Variants in RNF8 observed in about 807,000 individuals in gnomAD.
RNF8 encodes the protein E3 ubiquitin-protein ligase RNF8.
RNF8 carries 8 observed loss-of-function variants against 59.3 expected under a neutral mutation model. The ratio of observed to expected loss-of-function variants is 0.13; its 90% CI spans 0.08 to 0.24. The LOEUF is 0.24. Among genes scored for constraint, RNF8 ranks in the 10% least tolerant of loss-of-function variants. The pLI is 1.00. For synonymous variants in RNF8, 162 were observed against 200.0 expected, an observed-to-expected ratio of 0.81 and a Z score of 1.60; for missense variants, 406 against 572.6, an observed-to-expected ratio of 0.71 and a Z score of 2.97.
chr6:37,368,740 C>T lies in RNF8; in HGVS notation c.497C>T (p.Ala166Val). The change falls in exon 3 of 8, where the codon GCT (alanine) becomes GTT (valine). Residue 166 changes from alanine (A) to valine (V), a missense_variant. Transcript: ENST00000373479. ...TTGGATGAATTAGCAGGTCCTGGAG[C>T]TGAAGGCCCCTCAAATTTGAAATCC... Reference protein sequence around the residue: ...FSLDELAGPGAEGPSNLKSKI... With the variant: ...FSLDELAGPGVEGPSNLKSKI... 6.2e-7 allele frequency: 1 copy of T among 1,614,140 alleles called. No homozygotes were observed. The highest frequency in any genetic ancestry group is 1.1e-5 in the South Asian group (1 of 91,080).
At chr6:37,373,497 C>G (rs924746732) in intron 4 of RNF8, among the ~76,000 whole-genome samples, 2 of 152,180 alleles carry the variant, frequency 1.3e-5, no homozygotes, top group Non-Finnish European at 2.9e-5. Context: ...GCCTCCGCCT[C>G]CTGGGCTCAA....
At chr6:37,388,506 G>A (rs1237461241) in intron 7 of RNF8, among the ~76,000 whole-genome samples, 2 of 152,140 alleles carry the variant, frequency 1.3e-5, no homozygotes, top group African/African-American at 4.8e-5. Flanking sequence ...CACTGTTACC[G>A]TCTCTGTGGT....
At chr6:37,369,933 A>T (rs1769733804) in intron 3 of RNF8, 1 of 152,238 alleles carries the variant, frequency 6.6e-6, no homozygotes, top group Non-Finnish European at 1.5e-5. Context: ...TCCATCCCTC[A>T]GTCATTTGCT....
intron 2 of RNF8, among the ~76,000 whole-genome samples, chr6:37,365,058 C>T (rs1401600762): frequency 6.6e-6 from 1 of 152,042 alleles, no homozygotes; most frequent in Non-Finnish European, 1.5e-5. Flanking sequence ...CGTGAGCCAC[C>T]ACACCTGGCC....
Position 37,371,541 on chromosome 6 carries a change from C to T in RNF8, c.1005C>T (p.Asp335=). 6.2e-7 allele frequency: 1 copy of T among 1,613,918 alleles called. No homozygotes were observed. The highest frequency in any genetic ancestry group is 8.5e-7 in the Non-Finnish European group (1 of 1,179,942). Residue 335 remains aspartate (D), a synonymous_variant, in exon 4 of 8, where the codon GAC becomes GAT. Coordinates refer to ENST00000373479, the MANE Select transcript of RNF8 (RefSeq NM_003958.4). The part of the protein sequence containing the change: ...QGLEIAQGEK[D]LKQQLAQALQ... The stretch of plus-strand genomic sequence containing the variant: ...TGGAGATAGCCCAAGGAGAAAAGGA[C>T]CTGAAGCAACAGCTGGCCCAGGCTC...
At chr6:37,379,982 T>C (rs1770185817) in intron 6 of RNF8, among the ~76,000 whole-genome samples, 1 of 152,196 alleles carries the variant, frequency 6.6e-6, no homozygotes, top group African/African-American at 2.4e-5. Context: ...AACGCCATCA[T>C]GGCTCACTGC....
intron 7 of RNF8, among the ~76,000 whole-genome samples, chr6:37,384,247 TCTC>T (rs1257629481): frequency 2.0e-5 from 3 of 151,858 alleles, no homozygotes; most frequent in African/African-American, 7.3e-5. Context: ...TTTAAGTGAT[TCTC>T]CTCCCTCAGC....
Position 37,368,961 on chromosome 6 carries a change from T to C in RNF8, c.718T>C (p.Ser240Pro). ...TCATGAGCAGAAAGCCTCAAACTCT[T>C]CAGCATCTCAGAGAAGCTTACAGAT... ...VHHEQKASNS[S>P]ASQRSLQMFK... The change falls in exon 3 of 8, where the codon TCA becomes CCA. Residue 240 changes from serine to proline, a missense_variant. Physicochemically the swap from Ser to Pro is moderately conservative, Grantham distance 74 (BLOSUM62 -1). Coordinates refer to ENST00000373479, the MANE Select transcript of RNF8 (RefSeq NM_003958.4). 2 of 1,614,160 alleles carry C rather than the reference T, an allele frequency of 1.2e-6. No individual in the cohort carries two copies. Among genetic ancestry groups the C allele is most frequent in the Non-Finnish European group, 1.7e-6 (2 of 1,180,020 alleles).
intron 7 of RNF8, among the ~76,000 whole-genome samples, chr6:37,389,983 C>T (rs1305809659): frequency 6.6e-6 from 1 of 152,228 alleles, no homozygotes; most frequent in Admixed American, 6.5e-5. Flanking sequence ...TGGTTGGTGA[C>T]TTTATTGTGC....
In RNF8 at chr6:37,365,222, G is replaced by A. The variant is rs148056572; in HGVS notation, c.241-3262G>A. 1.8e-4 allele frequency among the ~76,000 whole-genome samples: 28 copies of A among 152,278 alleles called. 1 individual carries two copies. The highest frequency in any genetic ancestry group is 1.8e-3 in the Admixed American group (28 of 15,298). The stretch of plus-strand genomic sequence containing the variant: ...AACAGTGTGGACGAATCTCAGAGGC[G>A]TTACACTAAGTGAAAGAAGCAAGAC... On this transcript the variant is annotated intron_variant, in intron 2 of 7. Transcript: ENST00000373479.
At chr6:37,385,365 C>T (rs1369109074) in intron 7 of RNF8, among the ~76,000 whole-genome samples, 2 of 150,712 alleles carry the variant, frequency 1.3e-5, no homozygotes, top group South Asian at 2.1e-4. Context: ...CTGTGGCTCA[C>T]GGCTGTAATC....
intron 7 of RNF8, among the ~76,000 whole-genome samples, chr6:37,383,060 A>T (rs762670088): frequency 2.0e-5 from 3 of 151,982 alleles, no homozygotes; most frequent in African/African-American, 4.8e-5. Flanking sequence ...AATTCTGCAG[A>T]GTAATAACAG....
intron 2 of RNF8, among the ~76,000 whole-genome samples, chr6:37,365,644 G>T (rs1299378130): frequency 6.6e-6 from 1 of 152,200 alleles, no homozygotes. Context: ...TGAGCATCTA[G>T]TGAAGTAATT....
At chr6:37,379,587 C>T (rs888160894) in intron 6 of RNF8, among the ~76,000 whole-genome samples, 1 of 152,178 alleles carries the variant, frequency 6.6e-6, no homozygotes, top group African/African-American at 2.4e-5. Context: ...AGGGATTACT[C>T]AGAGGAGCCC....
intron 2 of RNF8, chr6:37,361,256 A>T: frequency 2.2e-6 from 1 of 454,594 alleles, no homozygotes; most frequent in South Asian, 1.6e-5. Context: ...GTTTGAGCCC[A>T]TGAATTCTGG....
At chr6:37,385,789 G>A (rs1268625319) in intron 7 of RNF8, among the ~76,000 whole-genome samples, 1 of 149,604 alleles carries the variant, frequency 6.7e-6, no homozygotes, top group Non-Finnish European at 1.5e-5. Context: ...CTCTTCTTTT[G>A]TGTCCTAGTA....
At position 37,392,286 on chromosome 6, in the gene RNF8, G is replaced by A; in HGVS notation, c.*1528G>A. On this transcript the variant is annotated 3_prime_UTR_variant, in exon 8 of 8. Coordinates refer to ENST00000373479, the MANE Select transcript of RNF8 (RefSeq NM_003958.4). ...TGTGTTTTGTTTATAGATTGCATGGGTATATGTCAATTTTTATATGTTCTG... is the reference window on the plus strand; with the variant it reads ...TGTGTTTTGTTTATAGATTGCATGGATATATGTCAATTTTTATATGTTCTG... 2 of 396,390 alleles carry A rather than the reference G, an allele frequency of 5.0e-6. No individual in the cohort carries two copies. Among genetic ancestry groups the A allele is most frequent in the East Asian group, 7.1e-5 (2 of 27,994 alleles). The allele number at this position is 396,390 out of a possible 1,614,324, so 24.6% of individuals were successfully genotyped here. A position where few individuals can be genotyped will look rare whatever the true frequency, so the allele number is the denominator to read the frequency against.
chr6:37,387,881 G>A (rs910864547), intron 7 of RNF8, among the ~76,000 whole-genome samples: 3 of 152,194 alleles, frequency 2.0e-5, no homozygotes, highest in African/African-American at 7.2e-5. Flanking sequence ...AAAAGCAAGG[G>A]GTTTTTAGGG....
intron 7 of RNF8, 32 bp downstream of exon 7, chr6:37,381,386 GA>G: frequency 2.5e-6 from 4 of 1,583,424 alleles, no homozygotes; most frequent in Non-Finnish European, 3.5e-6. Context: ...TACCCCTCAA[GA>G]AAGGACTTAT....
Sources: gnomAD v4.1 joint callset for allele counts (sites outside exome capture counted in the v4.1 genomes callset) on GRCh38, gnomAD v4.1.1 for gene constraint, MANE v1.5 for transcripts, NCBI Gene and HGNC (gene_info 2026-07-23, HGNC 2026-07-21) for gene names.